Variants in RGS6 observed in about 807,000 individuals in gnomAD.
The protein encoded by RGS6 is regulator of G-protein signaling 6.
In RGS6, 30 loss-of-function variants were observed where a neutral mutation model predicts 78.5. The observed-to-expected ratio is 0.38, with a 90% CI of 0.29 to 0.52. The LOEUF (loss-of-function observed/expected upper bound fraction) is 0.52, where lower values mean the gene tolerates loss of function less well. RGS6 is among the 20% of genes least tolerant of loss of function. The pLI is 0.85. For synonymous variants in RGS6, 206 were observed against 206.0 expected, an observed-to-expected ratio of 1.00 and a Z score of 0.00; for missense variants, 495 against 609.7, an observed-to-expected ratio of 0.81 and a Z score of 1.98.
chr14:72,076,977 A>T (rs1232893450), intron 2 of RGS6, among the ~76,000 whole-genome samples: 2 of 148,616 alleles, frequency 1.3e-5, no homozygotes, highest in Non-Finnish European at 3.0e-5. Flanking sequence ...TATAAATGTT[A>T]TATATATATA....
chr14:72,588,250 A>C, the RGS6 span, among the ~76,000 whole-genome samples: 1 of 152,092 alleles, frequency 6.6e-6, no homozygotes, highest in African/African-American at 2.4e-5. Context: ...AGTACTTGGG[A>C]ACTATCATAA....
At chr14:72,454,426 G>A (rs1178761504) in intron 3 of RGS6, 102 bp from the exon 4 acceptor site, 3 of 1,203,400 alleles carry the variant, frequency 2.5e-6, no homozygotes, top group Admixed American at 1.7e-5. Context: ...GCTCTACAGT[G>A]TGGACTGTTT....
At chr14:72,170,357 C>T (rs1243061361) in intron 2 of RGS6, among the ~76,000 whole-genome samples, 2 of 152,184 alleles carry the variant, frequency 1.3e-5, no homozygotes, top group East Asian at 1.9e-4. Flanking sequence ...GGCAAACTTG[C>T]GTTCACCCTA....
At position 72,409,316 on chromosome 14, in the gene RGS6, G is replaced by A. The variant is rs138183332; in HGVS notation, c.185-45212G>A. On this transcript the variant is annotated intron_variant, in intron 3 of 17. Coordinates refer to ENST00000553525, the MANE Select transcript of RGS6 (RefSeq NM_001204424.2). The stretch of plus-strand genomic sequence containing the variant: ...GCATGGGTAGTGAGCTTTAATAGGC[G>A]GAACGTGGAAGTAAGACAAAGAAAA... Among the ~76,000 whole-genome samples, 16 of 152,210 alleles carry A rather than the reference G, an allele frequency of 1.1e-4. No individual in the cohort carries two copies. In the East Asian group the frequency reaches 1.5e-3, roughly 15 times the overall value.
At chr14:72,357,827 A>T (rs2080643691) in intron 3 of RGS6, among the ~76,000 whole-genome samples, 1 of 152,168 alleles carries the variant, frequency 6.6e-6, no homozygotes, top group Non-Finnish European at 1.5e-5. Flanking sequence ...GGAGGAACCA[A>T]ATGTTAATTG....
chr14:72,027,378 C>CAT (rs1216287057), intron 2 of RGS6, among the ~76,000 whole-genome samples: 1 of 152,104 alleles, frequency 6.6e-6, no homozygotes, highest in Non-Finnish European at 1.5e-5. Flanking sequence ...CACATACATG[C>CAT]ATATATACAC....
intron 2 of RGS6, among the ~76,000 whole-genome samples, chr14:72,005,646 T>C (rs1167044251): frequency 3.9e-5 from 6 of 152,214 alleles, no homozygotes. Context: ...AAAAAAGCTT[T>C]TAATATCTCA....
intron 2 of RGS6, among the ~76,000 whole-genome samples, chr14:72,348,520 G>A (rs976929343): frequency 2.0e-5 from 3 of 152,160 alleles, no homozygotes; most frequent in African/African-American, 7.2e-5. Context: ...GACTTCTCCA[G>A]AAACCATGAC....
At chr14:72,432,957 G>A (rs1205341336) in intron 3 of RGS6, among the ~76,000 whole-genome samples, 2 of 152,206 alleles carry the variant, frequency 1.3e-5, no homozygotes, top group Non-Finnish European at 2.9e-5. Flanking sequence ...GAGTAAGGAT[G>A]ATGAAGAATC....
intron 1 of RGS6, among the ~76,000 whole-genome samples, chr14:71,964,399 G>A (rs2093391875): frequency 6.6e-6 from 1 of 152,110 alleles, no homozygotes; most frequent in South Asian, 2.1e-4. Context: ...CCAGCTACTC[G>A]GGAGGCTGAG....
chr14:71,919,501 A>G, the RGS6 span, among the ~76,000 whole-genome samples: 2 of 152,112 alleles, frequency 1.3e-5, no homozygotes, highest in African/African-American at 4.8e-5. Context: ...AGTCTAATGG[A>G]CAGATAAATA....
At chr14:71,884,348 A>G in the RGS6 span, among the ~76,000 whole-genome samples, 1 of 152,256 alleles carries the variant, frequency 6.6e-6, no homozygotes, top group Non-Finnish European at 1.5e-5. Flanking sequence ...GAAGAGGTAA[A>G]GAAGAAAGCA....
the RGS6 span, among the ~76,000 whole-genome samples, chr14:71,894,439 T>A: frequency 2.0e-5 from 3 of 152,210 alleles, no homozygotes; most frequent in African/African-American, 7.2e-5. Flanking sequence ...CATGTCCCCA[T>A]ATATACAAGG....
chr14:72,561,355 T>C (rs2097673976), intron 17 of RGS6, among the ~76,000 whole-genome samples: 2 of 152,182 alleles, frequency 1.3e-5, no homozygotes, highest in Admixed American at 6.5e-5. Context: ...GTGGTGTCGC[T>C]GACCCACTGT....
intron 2 of RGS6, among the ~76,000 whole-genome samples, chr14:72,160,591 AG>A (rs1038549263): frequency 1.3e-5 from 2 of 152,232 alleles, no homozygotes; most frequent in African/African-American, 2.4e-5. Context: ...GTCTTTCAAA[AG>A]GTGATTAAGT....
chr14:72,353,350 A>G (rs2079515090), intron 3 of RGS6, among the ~76,000 whole-genome samples: 3 of 152,242 alleles, frequency 2.0e-5, no homozygotes, highest in Non-Finnish European at 4.4e-5. Flanking sequence ...GAACGGGTAA[A>G]TGGATAAACA....
At chr14:72,451,509 C>T (rs1234926516) in intron 3 of RGS6, among the ~76,000 whole-genome samples, 2 of 151,578 alleles carry the variant, frequency 1.3e-5, no homozygotes, top group African/African-American at 2.4e-5. Flanking sequence ...TTGGGGGGAG[C>T]GGATATGATA....
chr14:72,220,766 T>C (rs548990839), intron 2 of RGS6, among the ~76,000 whole-genome samples: 1 of 152,334 alleles, frequency 6.6e-6, no homozygotes, highest in East Asian at 1.9e-4. Flanking sequence ...TCGTCTTTTA[T>C]AGCAACAAGG....
At chr14:72,442,106 G>T (rs1188547033) in intron 3 of RGS6, among the ~76,000 whole-genome samples, 3 of 152,078 alleles carry the variant, frequency 2.0e-5, no homozygotes, top group Admixed American at 1.3e-4. Flanking sequence ...TCTTAAGCTC[G>T]GTTCTCTTTC....
Sources: gnomAD v4.1 joint callset for allele counts (sites outside exome capture counted in the v4.1 genomes callset) on GRCh38, gnomAD v4.1.1 for gene constraint, MANE v1.5 for transcripts, NCBI Gene and HGNC (gene_info 2026-07-23, HGNC 2026-07-21) for gene names.